MCC: variants seen among roughly 807,000 people sequenced by gnomAD.
The protein encoded by MCC is MCC regulator of Wnt signaling pathway.
In MCC, 90 loss-of-function variants were observed where a neutral mutation model predicts 116.2. That is an observed-to-expected ratio of 0.77 (90% CI 0.65 to 0.92). The LOEUF is 0.92. Among genes scored for constraint, MCC ranks in the 40% least tolerant of loss-of-function variants. MCC has a pLI of 0.00. For missense variants in MCC, 1,516 were observed against 1,312.2 expected (o/e 1.16, Z -2.40); for synonymous variants, 578 against 510.5 (o/e 1.13, Z -1.78).
chr5:113,292,313 T>C (rs1347102827), intron 3 of MCC, among the ~76,000 whole-genome samples: 1 of 151,744 alleles, frequency 6.6e-6, no homozygotes, highest in African/African-American at 2.4e-5. Flanking sequence ...ATAACTAACA[T>C]TGATTGGAAA....
intron 3 of MCC, among the ~76,000 whole-genome samples, chr5:113,336,799 C>G (rs1767880971): frequency 6.6e-6 from 1 of 152,162 alleles, no homozygotes; most frequent in South Asian, 2.1e-4. Flanking sequence ...TGTCTTGTTG[C>G]CTTTGCATTG....
At position 113,358,805 on chromosome 5, in the gene MCC, C is replaced by T. The variant is rs375287897; in HGVS notation, c.416-18075G>A. On this transcript the variant is annotated intron_variant, in intron 2 of 18. Coordinates refer to ENST00000408903, the MANE Select transcript of MCC (RefSeq NM_001085377.2). ...GACATCAACAGAAGCAGCAGTAAAT[C>T]GCTTAGTCCACAACAGAATCACCAT... Among the ~76,000 whole-genome samples, 6 of 152,274 alleles carry T rather than the reference C, an allele frequency of 3.9e-5. No homozygotes were observed. The South Asian group carries it at 8.3e-4, about 21-fold the overall frequency.
chr5:113,285,989 C>T (rs536278901), intron 3 of MCC, among the ~76,000 whole-genome samples: 2 of 152,234 alleles, frequency 1.3e-5, no homozygotes, highest in Non-Finnish European at 2.9e-5. Context: ...TCCAACACAT[C>T]TGTCACAGTA....
chr5:113,246,330 T>C (rs1406405510), intron 3 of MCC, among the ~76,000 whole-genome samples: 5 of 152,234 alleles, frequency 3.3e-5, no homozygotes, highest in East Asian at 1.9e-4. Flanking sequence ...GAAAAGTTCA[T>C]CTTTTTTAAA....
chr5:113,236,137 G>A (rs1764121449), intron 3 of MCC, among the ~76,000 whole-genome samples: 1 of 147,954 alleles, frequency 6.8e-6, no homozygotes, highest in African/African-American at 2.7e-5. Context: ...CTGATCTGCA[G>A]AATGAGTCAC....
At chr5:113,422,246 A>C (rs1770359028) in intron 1 of MCC, among the ~76,000 whole-genome samples, 1 of 150,532 alleles carries the variant, frequency 6.6e-6, no homozygotes, top group South Asian at 2.1e-4. Flanking sequence ...GACTGATTAG[A>C]GATGTGCTGT....
At chr5:113,440,952 C>A (rs1771019388) in intron 1 of MCC, among the ~76,000 whole-genome samples, 1 of 152,180 alleles carries the variant, frequency 6.6e-6, no homozygotes, top group Admixed American at 6.5e-5. Flanking sequence ...ATTTTCTCCT[C>A]CTTTCTACCC....
chr5:113,248,056 G>A (rs1581314343), intron 3 of MCC, among the ~76,000 whole-genome samples: 1 of 151,938 alleles, frequency 6.6e-6, no homozygotes, highest in Admixed American at 6.6e-5. Context: ...AGAAGTCAGG[G>A]AAGGGGGCAG....
At chr5:113,064,685 A>G (rs1753464229) in intron 13 of MCC, among the ~76,000 whole-genome samples, 1 of 152,208 alleles carries the variant, frequency 6.6e-6, no homozygotes, top group Non-Finnish European at 1.5e-5. Context: ...TTGGCTCTGT[A>G]TTATAGGTAC....
chr5:113,441,097 G>C (rs929368560), intron 1 of MCC, among the ~76,000 whole-genome samples: 2 of 152,210 alleles, frequency 1.3e-5, no homozygotes, highest in East Asian at 1.9e-4. Flanking sequence ...CACTTTCGGA[G>C]GCTGAGGCGG....
intron 1 of MCC, among the ~76,000 whole-genome samples, chr5:113,405,977 A>C (rs1450325433): frequency 6.6e-6 from 1 of 152,190 alleles, no homozygotes; most frequent in Non-Finnish European, 1.5e-5. Context: ...GAAAATCAAA[A>C]TGCTCTCTCT....
intron 17 of MCC, among the ~76,000 whole-genome samples, chr5:113,041,457 T>C (rs940333595): frequency 1.3e-5 from 2 of 152,058 alleles, no homozygotes; most frequent in African/African-American, 4.8e-5. Context: ...CAATGCAAAA[T>C]GAATGCAGAA....
At chr5:113,188,537 T>C (rs1268239744) in intron 3 of MCC, among the ~76,000 whole-genome samples, 1 of 152,126 alleles carries the variant, frequency 6.6e-6, no homozygotes, top group Non-Finnish European at 1.5e-5. Flanking sequence ...ATTTATTAAG[T>C]AAAGATGTAT....
intron 1 of MCC, among the ~76,000 whole-genome samples, chr5:113,483,944 C>G (rs6861467): frequency 8.5e-5 from 13 of 152,176 alleles, no homozygotes; most frequent in African/African-American, 3.1e-4. Context: ...AACACAAGAA[C>G]AGAAAACCAA....
intron 3 of MCC, among the ~76,000 whole-genome samples, chr5:113,334,269 G>A (rs916150106): frequency 4.0e-5 from 6 of 150,566 alleles, no homozygotes; most frequent in Admixed American, 6.6e-5. Flanking sequence ...ATGCAGTGGC[G>A]TGATCTTGGC....
chr5:113,062,797 G>A (rs1233023398), intron 14 of MCC, among the ~76,000 whole-genome samples: 1 of 152,196 alleles, frequency 6.6e-6, no homozygotes, highest in African/African-American at 2.4e-5. Context: ...CCCTCTCCTG[G>A]GACACCTGGG....
intron 1 of MCC, among the ~76,000 whole-genome samples, chr5:113,402,654 G>C (rs1354533370): frequency 6.6e-6 from 1 of 152,072 alleles, no homozygotes; most frequent in African/African-American, 2.4e-5. Context: ...ATAATATTCT[G>C]TCTTATTCTA....
chr5:113,301,384 G>C (rs921660999), intron 3 of MCC, among the ~76,000 whole-genome samples: 1 of 151,998 alleles, frequency 6.6e-6, no homozygotes, highest in African/African-American at 2.4e-5. Flanking sequence ...AGAATCGCTT[G>C]AACACAGGAG....
intron 3 of MCC, among the ~76,000 whole-genome samples, chr5:113,248,296 C>A (rs1366720946): frequency 6.7e-6 from 1 of 150,126 alleles, no homozygotes; most frequent in Non-Finnish European, 1.5e-5. Context: ...CTTTACAACT[C>A]AGTAGTACAG....
Sources: gnomAD v4.1 joint callset for allele counts (sites outside exome capture counted in the v4.1 genomes callset) on GRCh38, gnomAD v4.1.1 for gene constraint, MANE v1.5 for transcripts, NCBI Gene and HGNC (gene_info 2026-07-23, HGNC 2026-07-21) for gene names.